TSPAN11: variants seen among roughly 807,000 people sequenced by gnomAD.
The protein encoded by TSPAN11 is tetraspanin-11.
In TSPAN11, 29 loss-of-function variants were observed where a neutral mutation model predicts 32.9. The observed-to-expected ratio is 0.88, with a 90% CI of 0.66 to 1.20. The LOEUF is 1.20. TSPAN11 is among the 50% of genes most tolerant of loss of function. The pLI is 0.00. For synonymous variants in TSPAN11, 140 were observed against 141.3 expected (o/e 0.99, Z 0.07); for missense variants, 283 against 329.1 (o/e 0.86, Z 1.08).
intron 1 of TSPAN11, among the ~76,000 whole-genome samples, chr12:30,938,991 G>A (rs1938101395): frequency 6.6e-6 from 1 of 152,160 alleles, no homozygotes; most frequent in African/African-American, 2.4e-5. Context: ...CCAGCACTTT[G>A]GGAGGCTGAG....
the TSPAN11 span, among the ~76,000 whole-genome samples, chr12:31,014,898 A>G: frequency 0.89 from 134,804 of 152,214 alleles, 59,986 homozygotes; most frequent in Middle Eastern, 0.95. Context: ...AAAAGATGAC[A>G]ATCACTTCTT....
chr12:30,928,793 T>TAAAGTAGCCACCTCCCAGCC (rs1310167836), intron 1 of TSPAN11, among the ~76,000 whole-genome samples: 3 of 152,176 alleles, frequency 2.0e-5, no homozygotes, highest in African/African-American at 7.2e-5. Flanking sequence ...ATCCCCCATC[T>TAAAGTAGCCACCTCCCAGCC]AAAGTAGCCA....
chr12:30,937,036 T>C (rs1231594084), intron 1 of TSPAN11, among the ~76,000 whole-genome samples: 1 of 151,952 alleles, frequency 6.6e-6, no homozygotes, highest in Non-Finnish European at 1.5e-5. Flanking sequence ...ACAATGAGAG[T>C]GGTAACATGA....
chr12:30,964,099 G>A, intron 3 of TSPAN11, 82 bp downstream of exon 3: 3 of 1,513,140 alleles, frequency 2.0e-6, no homozygotes, highest in Non-Finnish European at 2.7e-6. Context: ...AGGGGCCCCA[G>A]CCCTGGAGTG....
At chr12:31,014,805 T>C in the TSPAN11 span, among the ~76,000 whole-genome samples, 4 of 152,210 alleles carry the variant, frequency 2.6e-5, no homozygotes, top group Non-Finnish European at 4.4e-5. Context: ...TGGAGTCATG[T>C]AGTAATATTT....
intron 2 of TSPAN11, among the ~76,000 whole-genome samples, chr12:30,963,297 G>A (rs141420740): frequency 2.0e-5 from 3 of 152,262 alleles, no homozygotes; most frequent in Non-Finnish European, 2.9e-5. Flanking sequence ...CCTTTCCTCC[G>A]TGGGTCTCAG....
intron 3 of TSPAN11, among the ~76,000 whole-genome samples, chr12:30,970,596 C>T (rs188163961): frequency 1.4e-4 from 22 of 152,286 alleles, no homozygotes; most frequent in African/African-American, 5.1e-4. Context: ...CTAGCCCTGG[C>T]CCCCTTTTCT....
intron 1 of TSPAN11, among the ~76,000 whole-genome samples, chr12:30,938,572 G>A (rs577342040): frequency 6.6e-6 from 1 of 152,340 alleles, no homozygotes; most frequent in East Asian, 1.9e-4. Flanking sequence ...TGCACAGACT[G>A]TGCCTTGCAC....
intron 3 of TSPAN11, among the ~76,000 whole-genome samples, chr12:30,965,830 G>A (rs1938719906): frequency 6.6e-6 from 1 of 152,074 alleles, no homozygotes; most frequent in Non-Finnish European, 1.5e-5. Context: ...TTTAGGTGAT[G>A]GTCAGTCAGG....
At chr12:30,949,748 G>C (rs11608508) in intron 1 of TSPAN11, among the ~76,000 whole-genome samples, 24,599 of 151,958 alleles carry the variant, frequency 0.16, 2,259 homozygotes, top group Non-Finnish European at 0.21. Context: ...TCCACCTCCA[G>C]GTCTCATTTC....
chr12:30,957,728 C>T (rs112633231), intron 2 of TSPAN11, among the ~76,000 whole-genome samples: 1 of 65,404 alleles, frequency 1.5e-5, no homozygotes, highest in Non-Finnish European at 2.7e-5. Context: ...TCCTTCCTTC[C>T]CTCCTTCCCT....
intron 3 of TSPAN11, among the ~76,000 whole-genome samples, chr12:30,967,119 C>T (rs1041856058): frequency 1.3e-5 from 2 of 152,214 alleles, no homozygotes; most frequent in African/African-American, 2.4e-5. Flanking sequence ...TAAGCTTTAG[C>T]ACCTGACCAC....
chr12:30,938,490 A>G (rs565316691), intron 1 of TSPAN11, among the ~76,000 whole-genome samples: 1 of 152,354 alleles, frequency 6.6e-6, no homozygotes, highest in East Asian at 1.9e-4. Context: ...CTGGTTTACT[A>G]GAAATGAGAG....
chr12:30,954,982 T>C (rs1387046402), intron 2 of TSPAN11: 1 of 152,234 alleles, frequency 6.6e-6, no homozygotes, highest in Non-Finnish European at 1.5e-5. Flanking sequence ...GAGAAGACAC[T>C]TGACAGAGTC....
intron 1 of TSPAN11, among the ~76,000 whole-genome samples, chr12:30,952,237 G>C (rs1405277407): frequency 6.6e-6 from 1 of 152,132 alleles, no homozygotes; most frequent in Admixed American, 6.5e-5. Flanking sequence ...GGAGTGGCCA[G>C]GCCCCACAAA....
chr12:30,945,420 C>T (rs2140278274), intron 1 of TSPAN11, among the ~76,000 whole-genome samples: 1 of 152,248 alleles, frequency 6.6e-6, no homozygotes, highest in South Asian at 2.1e-4. Context: ...ATGCAGCTGG[C>T]CCAGGGCCTG....
chr12:30,934,048 A>G (rs1244549778), intron 1 of TSPAN11, among the ~76,000 whole-genome samples: 1 of 152,174 alleles, frequency 6.6e-6, no homozygotes, highest in Non-Finnish European at 1.5e-5. Flanking sequence ...TGGAGGTGTC[A>G]TCCACTTTGG....
intron 3 of TSPAN11, among the ~76,000 whole-genome samples, chr12:30,967,868 A>G (rs1453079655): frequency 6.7e-6 from 1 of 148,952 alleles, no homozygotes; most frequent in Non-Finnish European, 1.5e-5. Context: ...CCAAGGACAG[A>G]GCAGGAGGTA....
chr12:30,952,390 CT>C (rs1386606930), intron 1 of TSPAN11, among the ~76,000 whole-genome samples: 1 of 152,168 alleles, frequency 6.6e-6, no homozygotes, highest in East Asian at 1.9e-4. Flanking sequence ...TACAGGCTTC[CT>C]TTTTTTCTCC....
Sources: allele counts gnomAD v4.1 joint callset (sites outside exome capture counted in the v4.1 genomes callset), GRCh38; gene constraint gnomAD v4.1.1; transcripts MANE v1.5; gene names NCBI Gene and HGNC (gene_info 2026-07-23, HGNC 2026-07-21).